Variants in SYT7 observed in about 807,000 individuals in gnomAD.
SYT7 encodes synaptotagmin-7.
A neutral mutation model predicts 75.1 loss-of-function variants in SYT7; 29 were observed. That is an observed-to-expected ratio of 0.39 (90% CI 0.29 to 0.53). SYT7 has a LOEUF of 0.53. SYT7 is among the 20% of genes least tolerant of loss of function. The pLI is 0.77. For synonymous variants in SYT7, 376 were observed against 401.7 expected (o/e 0.94, Z 0.76); for missense variants, 693 against 953.2 (o/e 0.73, Z 3.59).
chr11:61,571,043 A>G (rs1471403626), intron 1 of SYT7, among the ~76,000 whole-genome samples: 2 of 152,190 alleles, frequency 1.3e-5, no homozygotes, highest in Non-Finnish European at 2.9e-5. Flanking sequence ...CTGAAAGGTT[A>G]AGTCAGTTGC....
intron 3 of SYT7, among the ~76,000 whole-genome samples, chr11:61,547,851 C>G (rs1472178217): frequency 6.6e-6 from 1 of 152,226 alleles, no homozygotes; most frequent in Non-Finnish European, 1.5e-5. Flanking sequence ...ACTATCAACT[C>G]TCTCACTGCA....
At position 61,546,580 on chromosome 11, in the gene SYT7, C is replaced by T. The variant is rs919520384; in HGVS notation, c.348-325G>A. On this transcript the variant is annotated intron_variant, in intron 4 of 12. Coordinates refer to ENST00000539008, the MANE Select transcript of SYT7 (RefSeq NM_001365809.2). The surrounding 1 kb of genome is among the most constrained non-coding windows in gnomAD (Gnocchi z 7.6). Reference sequence around the variant, plus strand: ...CCCTCCCCACCGCCTGGGGCAGGGGCGGCGGGGGTTGGGGGAGGGCAGCCA... The same window carrying T: ...CCCTCCCCACCGCCTGGGGCAGGGGTGGCGGGGGTTGGGGGAGGGCAGCCA... 19 of 131,852 alleles carry T rather than the reference C, an allele frequency of 1.4e-4. No homozygotes were observed. The highest frequency in any genetic ancestry group is 9.7e-4 in the African/African-American group (9 of 9,238). The allele number at this position is 131,852 out of a possible 1,614,324, so 8.2% of individuals were successfully genotyped here.
At chr11:61,552,747 C>G (rs1249959793) in intron 2 of SYT7, among the ~76,000 whole-genome samples, 1 of 152,206 alleles carries the variant, frequency 6.6e-6, no homozygotes, top group African/African-American at 2.4e-5. Flanking sequence ...TCAGGGTTGC[C>G]TGGGGCTTGG....
intron 8 of SYT7, among the ~76,000 whole-genome samples, chr11:61,530,271 A>G (rs527404878): frequency 4.2e-4 from 64 of 151,992 alleles, no homozygotes; most frequent in African/African-American, 1.5e-3. Flanking sequence ...GGTCCTGCCT[A>G]GTTGGGGGCA....
At chr11:61,534,599 G>A (rs2062813938) in intron 7 of SYT7, among the ~76,000 whole-genome samples, 1 of 152,222 alleles carries the variant, frequency 6.6e-6, no homozygotes, top group Non-Finnish European at 1.5e-5. Context: ...GGGATCCCGA[G>A]AGGAGATGCA....
rs1020844335 is a variant in SYT7, at chr11:61,546,280, G to A, written c.348-25C>T. 7.8e-6 allele frequency: 11 copies of A among 1,405,854 alleles called. No homozygotes were observed. The African/African-American group carries it at 1.7e-4, about 21-fold the overall frequency. 87.1% of individuals were successfully genotyped at this position (1,405,854 alleles called of 1,614,324 possible). ...ACTGGAGGCATGCACGAGGCAGCCA[G>A]GCCAGAGGGGCACCGGGGGTGGCGG... On this transcript the variant is annotated intron_variant, in intron 4 of 12. Coordinates refer to ENST00000539008, the MANE Select transcript of SYT7 (RefSeq NM_001365809.2). The surrounding 1 kb of genome is among the most constrained non-coding windows in gnomAD (Gnocchi z 7.6).
chr11:61,558,953 A>G (rs1259591096), intron 1 of SYT7, among the ~76,000 whole-genome samples: 1 of 152,188 alleles, frequency 6.6e-6, no homozygotes, highest in Admixed American at 6.5e-5. Context: ...CACATTGGCC[A>G]GGCTGGTCTT....
Position 61,532,972 on chromosome 11 carries a change from G to T in SYT7, c.1200+17C>A. 6.2e-7 allele frequency: 1 copy of T among 1,612,250 alleles called. No homozygotes were observed. On this transcript the variant is annotated intron_variant, in intron 8 of 12. Coordinates refer to ENST00000539008, the MANE Select transcript of SYT7 (RefSeq NM_001365809.2). ...CAGCCCAGTTCCTTGGAGCAGCGCA[G>T]GCTCCCTCATTCTCACCATGAGCAT...
At chr11:61,556,268 C>T (rs2063498689) in intron 1 of SYT7, 61 bp from the exon 2 acceptor site, 4 of 1,383,738 alleles carry the variant, frequency 2.9e-6, no homozygotes, top group Non-Finnish European at 4.0e-6. Flanking sequence ...CTCCCTCAGC[C>T]CAGAGCCCTC....
At chr11:61,537,773 AACC>A (rs1363349116) in intron 7 of SYT7, among the ~76,000 whole-genome samples, 1 of 151,970 alleles carries the variant, frequency 6.6e-6, no homozygotes, top group African/African-American at 2.4e-5. Context: ...CCCGCCCACC[AACC>A]ACCAGAGAAA....
intron 9 of SYT7, chr11:61,526,532 C>T (rs1336172894): frequency 1.3e-5 from 2 of 152,264 alleles, no homozygotes; most frequent in Non-Finnish European, 2.9e-5. Context: ...GTTATCTACA[C>T]ATCTGGGTCT....
intron 9 of SYT7, chr11:61,525,745 T>C (rs2062495462): frequency 6.6e-6 from 1 of 152,246 alleles, no homozygotes; most frequent in Middle Eastern, 3.2e-3. Flanking sequence ...TAGTAGGCAC[T>C]CAATACATAT....
chr11:61,579,342 T>C (rs1284451641), intron 1 of SYT7, among the ~76,000 whole-genome samples: 5 of 151,954 alleles, frequency 3.3e-5, no homozygotes, highest in Admixed American at 3.3e-4. Context: ...GTGACCTAGG[T>C]CCAGACAGAT....
Position 61,542,823 on chromosome 11 carries a change from T to C in SYT7, c.573-244A>G, listed in dbSNP as rs976783715. ...GCTCTGCCCACCCACCTTCTGGCCC[T>C]GGCTCAGCTAGTGCCAGAATACCTC... On this transcript the variant is annotated intron_variant, in intron 5 of 12. Coordinates refer to ENST00000539008, the MANE Select transcript of SYT7 (RefSeq NM_001365809.2). This position sits in a 1 kb window ranked among gnomAD's most constrained non-coding sequence, Gnocchi z 7.8. 2.6e-5 allele frequency among the ~76,000 whole-genome samples: 4 copies of C among 152,200 alleles called. No individual in the cohort carries two copies. Among genetic ancestry groups the C allele is most frequent in the Non-Finnish European group, 4.4e-5 (3 of 68,018 alleles).
chr11:61,536,331 C>T (rs1794072), intron 7 of SYT7, among the ~76,000 whole-genome samples: 89,576 of 152,110 alleles, frequency 0.59, 30,331 homozygotes, highest in Middle Eastern at 0.81. Flanking sequence ...ACAATGGAGC[C>T]GGTTCATTAA....
intron 6 of SYT7, chr11:61,541,164 T>A: frequency 1.0e-6 from 1 of 985,550 alleles, no homozygotes; most frequent in Non-Finnish European, 1.2e-6. Flanking sequence ...TTGCTTGCCT[T>A]CAGAATCCCT....
chr11:61,551,411 C>T lies in SYT7; in HGVS notation c.188G>A (p.Arg63His), dbSNP rs763553980. 13 of 1,613,800 alleles carry T rather than the reference C, an allele frequency of 8.1e-6. No homozygotes were observed. The highest frequency in any genetic ancestry group is 1.7e-5 in the Admixed American group (1 of 59,992). ...LETVGTPDSG[R>H]GRSEKKAIND... is the part of the protein sequence containing the mutation. ...GATAGCCTTCTTCTCACTGCGCCCA[C>T]GCCCTGAGTCTGGCGTGCCCACCGT... Residue 63 changes from arginine (R) to histidine (H), a missense_variant, in exon 3 of 13, where the codon CGT becomes CAT. Physicochemically the swap from Arg to His is conservative, Grantham distance 29. Around this residue, in one of 2 missense-constraint regions of SYT7, gnomAD observed 487 missense variants for 593.2 expected, o/e 0.82. Coordinates refer to ENST00000539008, the MANE Select transcript of SYT7 (RefSeq NM_001365809.2). The surrounding 1 kb of genome is among the most constrained non-coding windows in gnomAD (Gnocchi z 5.3).
chr11:61,554,659 T>TC (rs1248585792), intron 2 of SYT7, among the ~76,000 whole-genome samples: 9 of 151,756 alleles, frequency 5.9e-5, no homozygotes, highest in African/African-American at 2.2e-4. Context: ...GCTCAGCCAC[T>TC]CCCCCAGCCT....
At chr11:61,578,734 C>A (rs1269684297) in intron 1 of SYT7, among the ~76,000 whole-genome samples, 5 of 152,190 alleles carry the variant, frequency 3.3e-5, no homozygotes, top group Non-Finnish European at 7.3e-5. Flanking sequence ...CAAAGGCAGA[C>A]TGTGCCCTCT....
Sources: gnomAD v4.1 joint callset for allele counts (sites outside exome capture counted in the v4.1 genomes callset) on GRCh38, gnomAD v4.1.1 for gene constraint, gnomAD v4.1.1 regional missense constraint, Gnocchi (gnomAD v3.1) non-coding constraint, MANE v1.5 for transcripts, NCBI Gene and HGNC (gene_info 2026-07-23, HGNC 2026-07-21) for gene names.